Variants in HPSE2 observed in about 807,000 individuals in gnomAD.
The protein encoded by HPSE2 is inactive heparanase-2.
A neutral mutation model predicts 60.5 loss-of-function variants in HPSE2; 38 were observed. The ratio of observed to expected loss-of-function variants is 0.63; its 90% confidence interval spans 0.48 to 0.82. The LOEUF is 0.82. HPSE2 is among the 40% of genes least tolerant of loss of function. The probability of loss-of-function intolerance (pLI) is 0.00; values close to 1 mark genes in which losing one functional copy is unlikely to be tolerated. For synonymous variants in HPSE2, 295 were observed against 293.2 expected, an observed-to-expected ratio of 1.01 and a Z score of -0.06; for missense variants, 713 against 740.4, an observed-to-expected ratio of 0.96 and a Z score of 0.43.
intron 6 of HPSE2, among the ~76,000 whole-genome samples, chr10:98,667,385 C>A (rs924581084): frequency 6.6e-6 from 1 of 152,096 alleles, no homozygotes; most frequent in African/African-American, 2.4e-5. Flanking sequence ...TGAAACTATT[C>A]CAAAAAATAA....
intron 9 of HPSE2, among the ~76,000 whole-genome samples, chr10:98,527,683 T>C (rs578227169): frequency 6.6e-6 from 1 of 152,348 alleles, no homozygotes; most frequent in African/African-American, 2.4e-5. Context: ...TATTTGCCTC[T>C]GCCCTAGATC....
At chr10:99,253,441 G>T in the HPSE2 span, among the ~76,000 whole-genome samples, 1 of 152,156 alleles carries the variant, frequency 6.6e-6, no homozygotes, top group Admixed American at 6.5e-5. Context: ...GTCATAAGCA[G>T]AAGAATGAAA....
intron 3 of HPSE2, among the ~76,000 whole-genome samples, chr10:98,861,414 A>T (rs1035327353): frequency 2.6e-5 from 4 of 152,188 alleles, no homozygotes; most frequent in African/African-American, 7.2e-5. Flanking sequence ...CTTGTAATTG[A>T]AGCAGTAGAG....
At chr10:98,542,460 G>A (rs1454816629) in intron 9 of HPSE2, among the ~76,000 whole-genome samples, 1 of 152,052 alleles carries the variant, frequency 6.6e-6, no homozygotes, top group Non-Finnish European at 1.5e-5. Flanking sequence ...CACCAGCAAT[G>A]GAACAAAGCT....
intron 3 of HPSE2, among the ~76,000 whole-genome samples, chr10:98,839,699 C>T (rs559434597): frequency 1.3e-5 from 2 of 152,252 alleles, no homozygotes; most frequent in South Asian, 2.1e-4. Flanking sequence ...CTATGTTATC[C>T]GTGCTATTGA....
In HPSE2 at chr10:98,803,874, T is replaced by C. The variant is rs574326151; in HGVS notation, c.611-59818A>G. Reference sequence around the variant, plus strand: ...TTCTGTGAAGAAAGTCATTGGTAGCTTGATGGGGATGGCAGTGAATCTATA... The same window carrying C: ...TTCTGTGAAGAAAGTCATTGGTAGCCTGATGGGGATGGCAGTGAATCTATA... On this transcript the variant is annotated intron_variant, in intron 3 of 11. Coordinates refer to ENST00000370552, the MANE Select transcript of HPSE2 (RefSeq NM_021828.5). Among the ~76,000 whole-genome samples the C allele has an allele frequency of 5.4e-3, 823 of 152,114 alleles. 10 individuals carry two copies. The highest frequency in any genetic ancestry group is 0.019 in the African/African-American group (775 of 41,438).
At chr10:99,025,568 G>T (rs1163150348) in intron 3 of HPSE2, among the ~76,000 whole-genome samples, 1 of 152,130 alleles carries the variant, frequency 6.6e-6, no homozygotes, top group Admixed American at 6.6e-5. Flanking sequence ...GATAGAGCTG[G>T]AGGCTACAAT....
At chr10:99,227,532 C>T (rs902771873) in intron 2 of HPSE2, among the ~76,000 whole-genome samples, 4 of 151,722 alleles carry the variant, frequency 2.6e-5, no homozygotes, top group Non-Finnish European at 1.5e-5. Context: ...ATGAAGAATG[C>T]CATTAAAAAA....
chr10:99,098,167 T>C (rs890424658), intron 3 of HPSE2, among the ~76,000 whole-genome samples: 2 of 152,168 alleles, frequency 1.3e-5, no homozygotes, highest in East Asian at 1.9e-4. Flanking sequence ...CAATCAACCA[T>C]GTGTTGGAAA....
At chr10:99,234,140 A>G (rs1039287766) in intron 1 of HPSE2, among the ~76,000 whole-genome samples, 6 of 152,344 alleles carry the variant, frequency 3.9e-5, no homozygotes, top group Middle Eastern at 3.4e-3. Flanking sequence ...GAGCTTTCGA[A>G]GAGGAAGCTG....
At chr10:98,566,490 T>C (rs1327419354) in intron 9 of HPSE2, among the ~76,000 whole-genome samples, 1 of 152,252 alleles carries the variant, frequency 6.6e-6, no homozygotes, top group Non-Finnish European at 1.5e-5. Context: ...ACACCTTTTA[T>C]GTAAGTTCCT....
At chr10:99,036,547 G>C (rs1957614347) in intron 3 of HPSE2, among the ~76,000 whole-genome samples, 2 of 151,908 alleles carry the variant, frequency 1.3e-5, no homozygotes, top group South Asian at 4.2e-4. Context: ...ATTTAAAATT[G>C]GATAAATGAA....
At chr10:98,615,515 A>G (rs917481210) in intron 8 of HPSE2, among the ~76,000 whole-genome samples, 2 of 152,106 alleles carry the variant, frequency 1.3e-5, no homozygotes, top group Non-Finnish European at 2.9e-5. Flanking sequence ...GTCATTAGCA[A>G]CCCTCATATA....
chr10:98,654,176 A>C (rs1035816009), intron 6 of HPSE2, among the ~76,000 whole-genome samples: 1 of 151,980 alleles, frequency 6.6e-6, no homozygotes, highest in African/African-American at 2.4e-5. Flanking sequence ...GCCTGGTTGT[A>C]GTTTTCTTGG....
intron 10 of HPSE2, among the ~76,000 whole-genome samples, chr10:98,485,081 G>C (rs1358817982): frequency 6.6e-6 from 1 of 152,170 alleles, no homozygotes; most frequent in Non-Finnish European, 1.5e-5. Flanking sequence ...TGCTAATTAA[G>C]AGTTGAGTGA....
the HPSE2 span, among the ~76,000 whole-genome samples, chr10:99,292,505 G>A: frequency 6.6e-6 from 1 of 152,128 alleles, no homozygotes; most frequent in Non-Finnish European, 1.5e-5. Flanking sequence ...TTATAGACAT[G>A]AATGAGACAG....
At chr10:99,208,439 C>A (rs1848835300) in intron 2 of HPSE2, among the ~76,000 whole-genome samples, 1 of 152,130 alleles carries the variant, frequency 6.6e-6, no homozygotes, top group Non-Finnish European at 1.5e-5. Flanking sequence ...AATTCCAGCA[C>A]TTTGGGAGGC....
At chr10:99,290,575 C>T in the HPSE2 span, among the ~76,000 whole-genome samples, 1 of 150,206 alleles carries the variant, frequency 6.7e-6, no homozygotes, top group African/African-American at 2.5e-5. Flanking sequence ...AAATTTTCCA[C>T]CTCAGACCAG....
intron 3 of HPSE2, among the ~76,000 whole-genome samples, chr10:99,088,857 C>A (rs983957048): frequency 6.6e-6 from 1 of 152,112 alleles, no homozygotes; most frequent in African/African-American, 2.4e-5. Context: ...CACATCCACA[C>A]CAACATCTAT....
Sources: allele counts gnomAD v4.1 joint callset (sites outside exome capture counted in the v4.1 genomes callset), GRCh38; gene constraint gnomAD v4.1.1; transcripts MANE v1.5; gene names NCBI Gene and HGNC (gene_info 2026-07-23, HGNC 2026-07-21).